Variants in RIMS2 observed in about 807,000 individuals in gnomAD.
RIMS2 encodes regulating synaptic membrane exocytosis protein 2.
A neutral mutation model predicts 174.4 loss-of-function variants in RIMS2; 59 were observed. That is an observed-to-expected ratio of 0.34 (90% CI 0.27 to 0.42). The LOEUF is 0.42. Among genes scored for constraint, RIMS2 ranks in the 10% least tolerant of loss-of-function variants. The pLI is 1.00. For synonymous variants in RIMS2, 606 were observed against 572.5 expected (o/e 1.06, Z -0.84); for missense variants, 1,620 against 1,666.3 (o/e 0.97, Z 0.48).
At chr8:104,238,496 G>T (rs1316574968) in intron 19 of RIMS2, among the ~76,000 whole-genome samples, 1 of 151,866 alleles carries the variant, frequency 6.6e-6, no homozygotes, top group African/African-American at 2.4e-5. Context: ...TGAGGGGAGA[G>T]AAGTCATGTC....
chr8:103,882,226 G>A (rs1479958530), intron 3 of RIMS2, among the ~76,000 whole-genome samples: 1 of 151,276 alleles, frequency 6.6e-6, no homozygotes. Flanking sequence ...AAGGCCAATA[G>A]CAAAGATATA....
At chr8:103,548,977 T>C (rs1029249378) in intron 1 of RIMS2, among the ~76,000 whole-genome samples, 11 of 152,098 alleles carry the variant, frequency 7.2e-5, no homozygotes, top group African/African-American at 2.4e-4. Context: ...GTGAAAGATC[T>C]TTACAATGAG....
At chr8:103,748,068 A>G (rs879435486) in intron 2 of RIMS2, among the ~76,000 whole-genome samples, 2 of 152,142 alleles carry the variant, frequency 1.3e-5, no homozygotes. Context: ...GGAAGTTCAT[A>G]TATTAGTCCA....
chr8:103,646,462 GT>G (rs1024921360), intron 1 of RIMS2, among the ~76,000 whole-genome samples: 1 of 152,012 alleles, frequency 6.6e-6, no homozygotes, highest in African/African-American at 2.4e-5. Context: ...GTGCCATGGT[GT>G]TTTGCTGCAC....
chr8:104,155,118 G>GT (rs1337652718), intron 19 of RIMS2, among the ~76,000 whole-genome samples: 1 of 151,792 alleles, frequency 6.6e-6, no homozygotes, highest in African/African-American at 2.4e-5. Context: ...GTTTTGTTTT[G>GT]TTTTTTGAGA....
intron 19 of RIMS2, among the ~76,000 whole-genome samples, chr8:104,079,935 C>G (rs1240092574): frequency 2.0e-5 from 3 of 151,556 alleles, no homozygotes; most frequent in Non-Finnish European, 4.4e-5. Flanking sequence ...GAAAAAGATT[C>G]TAGAGAAGGT....
chr8:103,970,430 A>G (rs1464172139), intron 15 of RIMS2, among the ~76,000 whole-genome samples: 1 of 152,184 alleles, frequency 6.6e-6, no homozygotes, highest in Non-Finnish European at 1.5e-5. Flanking sequence ...GAGTATTTCA[A>G]AATGGTTCCT....
intron 19 of RIMS2, among the ~76,000 whole-genome samples, chr8:104,173,881 A>C (rs1586559736): frequency 1.3e-5 from 2 of 151,142 alleles, no homozygotes; most frequent in African/African-American, 4.8e-5. Context: ...TCTAGGACTT[A>C]AGAGTTTCAT....
chr8:103,766,414 C>T (rs1295876756), exon 3 of RIMS2: 1 of 1,613,536 alleles, frequency 6.2e-7, no homozygotes, highest in African/African-American at 1.3e-5. Flanking sequence ...TTCCAAGGAC[C>T]CTCAGGTGAC....
intron 1 of RIMS2, among the ~76,000 whole-genome samples, chr8:103,620,381 G>GT (rs201745617): frequency 0.012 from 1,877 of 150,602 alleles, 48 homozygotes; most frequent in African/African-American, 0.043. Context: ...TTTAATTCTT[G>GT]TTTTTTTTCA....
At chr8:103,610,461 G>A (rs1376382503) in intron 1 of RIMS2, among the ~76,000 whole-genome samples, 1 of 152,190 alleles carries the variant, frequency 6.6e-6, no homozygotes, top group Non-Finnish European at 1.5e-5. Flanking sequence ...GACGTTGGCT[G>A]TGGTTTTGTC....
intron 15 of RIMS2, among the ~76,000 whole-genome samples, chr8:103,962,942 A>G (rs2090630109): frequency 6.6e-6 from 1 of 152,200 alleles, no homozygotes; most frequent in African/African-American, 2.4e-5. Context: ...ATGGTATTGT[A>G]GTTTCTGAAA....
chr8:103,698,829 A>G (rs976580317), intron 2 of RIMS2, among the ~76,000 whole-genome samples: 1 of 151,940 alleles, frequency 6.6e-6, no homozygotes, highest in Non-Finnish European at 1.5e-5. Context: ...ATGTGTCTGT[A>G]TTTTTCTTCC....
chr8:103,853,198 G>A (rs1197280848), intron 3 of RIMS2, among the ~76,000 whole-genome samples: 1 of 151,778 alleles, frequency 6.6e-6, no homozygotes, highest in South Asian at 2.1e-4. Context: ...CATTTTTTTT[G>A]TATGTTTGCT....
At chr8:104,204,616 T>C (rs961321241) in intron 19 of RIMS2, among the ~76,000 whole-genome samples, 4 of 151,984 alleles carry the variant, frequency 2.6e-5, no homozygotes, top group Admixed American at 6.6e-5. Context: ...AACCTCAACC[T>C]CTAGAGCACC....
intron 19 of RIMS2, among the ~76,000 whole-genome samples, chr8:104,195,217 G>A (rs568780851): frequency 1.3e-5 from 2 of 152,264 alleles, no homozygotes; most frequent in South Asian, 2.1e-4. Context: ...TAGATATTTA[G>A]AAGGTATGAA....
intron 19 of RIMS2, among the ~76,000 whole-genome samples, chr8:104,186,197 G>C (rs2098967146): frequency 6.6e-6 from 1 of 151,684 alleles, no homozygotes; most frequent in Admixed American, 6.6e-5. Flanking sequence ...TGTACACATG[G>C]ACGTACAGTG....
intron 19 of RIMS2, among the ~76,000 whole-genome samples, chr8:104,191,793 C>T (rs746811345): frequency 9.2e-5 from 14 of 151,916 alleles, no homozygotes; most frequent in Admixed American, 7.9e-4. Context: ...ATTTTTAAGA[C>T]GGGGTCTCAC....
rs539212240 is a variant in RIMS2 at position 103,650,811 on chromosome 8, C to G, written c.177-46275C>G. Among the ~76,000 whole-genome samples the G allele has an allele frequency of 7.9e-5, 12 of 152,304 alleles. No homozygotes were observed. In the South Asian group the frequency reaches 1.7e-3, roughly 21 times the overall value. On this transcript the variant is annotated intron_variant, in intron 1 of 23. Transcript: ENST00000504942. ...AACCACAGAGATGGTGGTCACCCAT[C>G]CCCCTGGGAACTCAGTCCTGACTCA... is the stretch of plus-strand genomic sequence containing the variant.
Sources: allele counts gnomAD v4.1 joint callset (sites outside exome capture counted in the v4.1 genomes callset), GRCh38; gene constraint gnomAD v4.1.1; transcripts MANE v1.5; gene names NCBI Gene and HGNC (gene_info 2026-07-23, HGNC 2026-07-21).